SLC29A3: variants seen among roughly 807,000 people sequenced by gnomAD.
SLC29A3 encodes the protein equilibrative nucleoside transporter 3.
In SLC29A3, 18 loss-of-function variants were observed where a neutral mutation model predicts 25.4. The ratio of observed to expected loss-of-function variants is 0.71; its 90% CI spans 0.49 to 1.05. SLC29A3 has a LOEUF of 1.05. Among genes scored for constraint, SLC29A3 ranks in the 50% least tolerant of loss-of-function variants. The pLI is 0.00. For synonymous variants in SLC29A3, 258 were observed against 267.1 expected (o/e 0.97, Z 0.33); for missense variants, 586 against 609.0 (o/e 0.96, Z 0.40).
chr10:71,367,197 C>T (rs1012472756), downstream of SLC29A3, among the ~76,000 whole-genome samples: 1 of 71,276 alleles, frequency 1.4e-5, no homozygotes, highest in Admixed American at 1.2e-4. Context: ...GGGGGCCAGC[C>T]GTGGTGATGG....
rs75278504 is a variant in SLC29A3 at position 71,351,410 on chromosome 10, G to A, written c.384-152G>A. ...CCCAAGGCCACACAGCTAGGGAGCC[G>A]GGAAGGCAGGATTCGAGTGCAGGCC... is the stretch of plus-strand genomic sequence containing the variant. On this transcript the variant is annotated intron_variant, in intron 3 of 5. Coordinates refer to ENST00000373189, the MANE Select transcript of SLC29A3 (RefSeq NM_018344.6). The A allele has an allele frequency of 2.7e-3, 1,747 of 655,620 alleles. 25 individuals carry two copies. In the African/African-American group the frequency reaches 0.027, roughly 10 times the overall value. The allele number at this position is 655,620 out of a possible 1,614,324, so 40.6% of individuals were successfully genotyped here. A position where few individuals can be genotyped will look rare whatever the true frequency, so the allele number is the denominator to read the frequency against.
chr10:71,322,801 C>T lies in SLC29A3; in HGVS notation c.47C>T (p.Thr16Ile). The T allele has an allele frequency of 1.9e-6, 3 of 1,614,192 alleles. No individual in the cohort carries two copies. Among genetic ancestry groups the T allele is most frequent in the African/African-American group, 1.3e-5 (1 of 75,054 alleles). Residue 16 changes from threonine to isoleucine, a missense_variant, in exon 2 of 6, where the codon ACC becomes ATC. Coordinates refer to ENST00000373189, the MANE Select transcript of SLC29A3 (RefSeq NM_018344.6). ...EDDFQHSSNS[T>I]YRTTSSSLRA... ...GACTTTCAGCACAGTTCAAACTCCA[C>T]CTACAGAACCACAAGCAGCAGTCTC... is the stretch of plus-strand genomic sequence containing the variant.
intron 2 of SLC29A3, among the ~76,000 whole-genome samples, chr10:71,324,761 A>G (rs1845927546): frequency 6.6e-6 from 1 of 152,126 alleles, no homozygotes; most frequent in Admixed American, 6.5e-5. Flanking sequence ...AGGGACAGCT[A>G]TACATCAGAG....
At chr10:71,380,036 G>A (rs1362149816) in exon 5 of SLC29A3, 3 of 152,252 alleles carry the variant, frequency 2.0e-5, no homozygotes, top group African/African-American at 4.8e-5. Flanking sequence ...ATCTGCATCC[G>A]AGGGACACTA....
intron 3 of SLC29A3, among the ~76,000 whole-genome samples, chr10:71,347,380 CTG>C (rs1423988648): frequency 1.3e-5 from 2 of 152,154 alleles, no homozygotes; most frequent in East Asian, 3.9e-4. Flanking sequence ...CTTCACAGGA[CTG>C]AGACCTGCCC....
intron 2 of SLC29A3, among the ~76,000 whole-genome samples, chr10:71,338,419 T>A (rs1198666423): frequency 6.6e-6 from 1 of 152,202 alleles, no homozygotes; most frequent in Non-Finnish European, 1.5e-5. Context: ...GATTAGCTAA[T>A]GTATTCCTTT....
intron 3 of SLC29A3, among the ~76,000 whole-genome samples, chr10:71,371,657 C>T (rs1039416111): frequency 1.3e-5 from 2 of 152,208 alleles, no homozygotes; most frequent in Middle Eastern, 3.2e-3. Context: ...TGAACCCCGA[C>T]TCTATGTCTT....
intron 2 of SLC29A3, among the ~76,000 whole-genome samples, chr10:71,334,924 T>TC (rs1846206037): frequency 2.8e-5 from 4 of 143,246 alleles, no homozygotes; most frequent in African/African-American, 1.2e-4. Context: ...GCAGTCTTTT[T>TC]TCCCCCCACT....
rs754674088 is a variant in SLC29A3, at chr10:71,362,681, C to G, written c.*73C>G. On this transcript the variant is annotated 3_prime_UTR_variant, in exon 6 of 6. Transcript: ENST00000373189. ...AAGAGAGTGCAGGAGGGCTGGGGGC[C>G]ATGGAGGAAAGGCCTAAAGTTTCAC... 2 of 1,598,150 alleles carry G rather than the reference C, an allele frequency of 1.3e-6. No individual in the cohort carries two copies. The highest frequency in any genetic ancestry group is 1.7e-6 in the Non-Finnish European group (2 of 1,169,498).
At chr10:71,355,400 GT>G (rs921353309) in intron 4 of SLC29A3, among the ~76,000 whole-genome samples, 10 of 152,238 alleles carry the variant, frequency 6.6e-5, no homozygotes, top group African/African-American at 2.4e-4. Flanking sequence ...ATTCCATGTG[GT>G]GGGGTGGTTG....
chr10:71,345,268 T>C (rs1846536804), intron 3 of SLC29A3, among the ~76,000 whole-genome samples: 1 of 152,216 alleles, frequency 6.6e-6, no homozygotes, highest in Non-Finnish European at 1.5e-5. Flanking sequence ...GTACTTCTCA[T>C]GTTCTGGGGG....
intron 1 of SLC29A3, among the ~76,000 whole-genome samples, 163 bp from the exon 2 acceptor site, chr10:71,322,593 C>T (rs1487967894): frequency 2.6e-5 from 4 of 152,192 alleles, no homozygotes; most frequent in Non-Finnish European, 4.4e-5. Context: ...TTGTCTTTCT[C>T]CCTGATCCTT....
intron 2 of SLC29A3, among the ~76,000 whole-genome samples, chr10:71,324,746 T>C (rs1845926871): frequency 6.6e-6 from 1 of 152,018 alleles, no homozygotes; most frequent in Non-Finnish European, 1.5e-5. Flanking sequence ...GCCCTGAGTA[T>C]ATGGAGGGAC....
chr10:71,377,055 C>G (rs928560391), intron 4 of SLC29A3, among the ~76,000 whole-genome samples: 3 of 152,190 alleles, frequency 2.0e-5, no homozygotes, highest in Non-Finnish European at 2.9e-5. Context: ...CGTGAGCCAC[C>G]GCGCCCGGCC....
At chr10:71,368,210 A>G (rs1026674345), downstream of SLC29A3, among the ~76,000 whole-genome samples, 4 of 152,168 alleles carry the variant, frequency 2.6e-5, no homozygotes, top group Non-Finnish European at 4.4e-5. Context: ...AGCCTGGGCA[A>G]CAGAGTATCT....
rs367645833 is a variant in SLC29A3 at position 71,347,915 on chromosome 10, GC to G, written c.383+3625del. ...GGAACTTATTACCTTGTAGCGACAG[GC>G]ACACAGGAGGGCTCCCATGATGCTG... On this transcript the variant is annotated intron_variant, in intron 3 of 5. Transcript: ENST00000373189. Among the ~76,000 whole-genome samples, 826 of 152,298 alleles carry G rather than the reference GC, an allele frequency of 5.4e-3. 21 individuals are homozygous for G. Among genetic ancestry groups the G allele is most frequent in the South Asian group, 0.021 (102 of 4,824 alleles).
intron 5 of SLC29A3, among the ~76,000 whole-genome samples, chr10:71,360,064 A>G (rs2131848932): frequency 6.7e-6 from 1 of 149,514 alleles, no homozygotes; most frequent in East Asian, 2.0e-4. Context: ...TTGAAGGGCT[A>G]CTCCGTGCCT....
chr10:71,319,572 G>C (rs758082072), intron 1 of SLC29A3: 5 of 393,300 alleles, frequency 1.3e-5, no homozygotes, highest in African/African-American at 1.0e-4. Context: ...CGCCTGTATG[G>C]TGGGGGCCTG....
At chr10:71,333,046 C>A (rs771786661) in intron 2 of SLC29A3, among the ~76,000 whole-genome samples, 24 of 152,258 alleles carry the variant, frequency 1.6e-4, no homozygotes, top group Admixed American at 1.2e-3. Context: ...AGGCGATTTC[C>A]TGGACAAATT....
Sources: allele counts gnomAD v4.1 joint callset (sites outside exome capture counted in the v4.1 genomes callset), GRCh38; gene constraint gnomAD v4.1.1; transcripts MANE v1.5; gene names NCBI Gene and HGNC (gene_info 2026-07-23, HGNC 2026-07-21).